ZNF423: variants seen among roughly 807,000 people sequenced by gnomAD.
ZNF423 encodes the protein Ebf-associated zinc finger protein.
ZNF423 carries 12 observed loss-of-function variants against 95.8 expected under a neutral mutation model. The observed-to-expected ratio is 0.13, with a 90% confidence interval of 0.08 to 0.20. The LOEUF (loss-of-function observed/expected upper bound fraction) is 0.20, where lower values mean the gene tolerates loss of function less well. Among genes scored for constraint, ZNF423 ranks in the 10% least tolerant of loss-of-function variants. The pLI is 1.00. For synonymous variants in ZNF423, 749 were observed against 711.9 expected, an observed-to-expected ratio of 1.05 and a Z score of -0.83; for missense variants, 1,316 against 1,737.1, an observed-to-expected ratio of 0.76 and a Z score of 4.31.
At chr16:49,615,937 C>T (rs1460834366) in intron 5 of ZNF423, among the ~76,000 whole-genome samples, 2 of 152,174 alleles carry the variant, frequency 1.3e-5, no homozygotes, top group Non-Finnish European at 2.9e-5. Flanking sequence ...TCCAGGGAGG[C>T]CGCTGCATAC....
chr16:49,585,367 C>G (rs1444613576), intron 5 of ZNF423, among the ~76,000 whole-genome samples: 1 of 152,210 alleles, frequency 6.6e-6, no homozygotes, highest in Non-Finnish European at 1.5e-5. Flanking sequence ...CCAAGGTCCC[C>G]TCAAGTCCCA....
At chr16:49,839,640 G>C (rs1226058116) in intron 1 of ZNF423, among the ~76,000 whole-genome samples, 1 of 152,184 alleles carries the variant, frequency 6.6e-6, no homozygotes, top group Admixed American at 6.5e-5. Context: ...CCCAGAAACA[G>C]CCCCAAGGAA....
intron 1 of ZNF423, among the ~76,000 whole-genome samples, chr16:49,817,337 T>G (rs931464398): frequency 8.5e-5 from 13 of 152,202 alleles, no homozygotes; most frequent in Admixed American, 7.9e-4. Flanking sequence ...AAAATTACTA[T>G]GAAGTCTTTC....
At chr16:49,521,698 G>T (rs1297464830) in intron 7 of ZNF423, among the ~76,000 whole-genome samples, 1 of 152,200 alleles carries the variant, frequency 6.6e-6, no homozygotes, top group African/African-American at 2.4e-5. Context: ...AAGGCCTCAT[G>T]TACAATACAC....
chr16:49,853,312 C>A (rs1376978616), intron 1 of ZNF423, among the ~76,000 whole-genome samples: 1 of 150,508 alleles, frequency 6.6e-6, no homozygotes, highest in African/African-American at 2.5e-5. Flanking sequence ...GGGGGGGGAG[C>A]AGTTCTTGAA....
At chr16:49,804,585 C>T (rs1468688067) in intron 1 of ZNF423, among the ~76,000 whole-genome samples, 2 of 152,128 alleles carry the variant, frequency 1.3e-5, no homozygotes, top group Non-Finnish European at 2.9e-5. Flanking sequence ...GCTACAAGGC[C>T]ACCTCCTCTC....
intron 5 of ZNF423, among the ~76,000 whole-genome samples, chr16:49,539,088 C>T (rs1223126576): frequency 1.3e-5 from 2 of 151,774 alleles, no homozygotes; most frequent in South Asian, 4.1e-4. Context: ...CCCTATAGAC[C>T]ATGCCCTTCA....
intron 2 of ZNF423, among the ~76,000 whole-genome samples, chr16:49,780,284 C>G (rs1402325761): frequency 6.6e-6 from 1 of 152,196 alleles, no homozygotes; most frequent in East Asian, 1.9e-4. Flanking sequence ...ATGGGGGCCC[C>G]AAGGCTGGTG....
intron 5 of ZNF423, among the ~76,000 whole-genome samples, chr16:49,570,268 C>T (rs1279342036): frequency 1.3e-5 from 2 of 152,284 alleles, no homozygotes; most frequent in East Asian, 3.9e-4. Context: ...GGAACTGTAA[C>T]AGGCAGGCTC....
At chr16:49,505,123 A>G (rs1967579016) in intron 7 of ZNF423, among the ~76,000 whole-genome samples, 1 of 152,188 alleles carries the variant, frequency 6.6e-6, no homozygotes, top group Non-Finnish European at 1.5e-5. Flanking sequence ...TTAAATATTT[A>G]TTCATCAAAA....
chr16:49,568,247 G>C (rs1182863080), intron 5 of ZNF423, among the ~76,000 whole-genome samples: 1 of 152,184 alleles, frequency 6.6e-6, no homozygotes, highest in Admixed American at 6.5e-5. Context: ...TCCTGTCATG[G>C]AACACCATGG....
chr16:49,539,245 C>T (rs1213746356), intron 5 of ZNF423, among the ~76,000 whole-genome samples: 1 of 152,178 alleles, frequency 6.6e-6, no homozygotes, highest in Non-Finnish European at 1.5e-5. Context: ...AGACATGTGG[C>T]TCTGGGTCCA....
chr16:49,785,417 T>C (rs1036001076), intron 2 of ZNF423, among the ~76,000 whole-genome samples: 2 of 152,224 alleles, frequency 1.3e-5, no homozygotes, highest in African/African-American at 4.8e-5. Context: ...ATGTTCTAAG[T>C]TGACTGTAGT....
chr16:49,499,484 AG>A (rs1319687784), intron 7 of ZNF423, among the ~76,000 whole-genome samples: 6 of 152,254 alleles, frequency 3.9e-5, no homozygotes, highest in Non-Finnish European at 7.3e-5. Flanking sequence ...AACCAGTAGC[AG>A]AAGCAGATGC....
In ZNF423 at chr16:49,707,366, C is replaced by G. The variant is rs769720201; in HGVS notation, c.301+23405G>C. Among the ~76,000 whole-genome samples, 11 of 152,148 alleles carry G rather than the reference C, an allele frequency of 7.2e-5. 1 individual carries two copies. The highest frequency in any genetic ancestry group is 1.6e-4 in the Non-Finnish European group (11 of 68,032). On this transcript the variant is annotated intron_variant, in intron 3 of 7. Transcript: ENST00000563137. ...TGGTGGCTCACGCCTGTAATCCTAG[C>G]ACTTTGGGAGGCCAAGGCGGGTGGA...
intron 3 of ZNF423, among the ~76,000 whole-genome samples, chr16:49,713,060 G>A (rs934555146): frequency 1.3e-5 from 2 of 152,178 alleles, no homozygotes; most frequent in Admixed American, 6.5e-5. Context: ...CTTGCCAGGC[G>A]CTGGGCCTCC....
intron 5 of ZNF423, among the ~76,000 whole-genome samples, chr16:49,594,169 T>C (rs1971109578): frequency 6.6e-6 from 1 of 152,156 alleles, no homozygotes; most frequent in South Asian, 2.1e-4. Flanking sequence ...GCAGTAAATG[T>C]TCCCTTCCAG....
intron 5 of ZNF423, among the ~76,000 whole-genome samples, chr16:49,589,047 T>A (rs1047991551): frequency 3.9e-5 from 6 of 152,132 alleles, no homozygotes; most frequent in Non-Finnish European, 7.4e-5. Flanking sequence ...CCAGCAGCCC[T>A]CCTCTGTCAA....
At chr16:49,798,993 A>T (rs1449938391) in intron 1 of ZNF423, among the ~76,000 whole-genome samples, 3 of 152,222 alleles carry the variant, frequency 2.0e-5, no homozygotes, top group Non-Finnish European at 4.4e-5. Flanking sequence ...TGCAGAAGTC[A>T]CGCAGCAGAG....
Sources: gnomAD v4.1 joint callset for allele counts (sites outside exome capture counted in the v4.1 genomes callset) on GRCh38, gnomAD v4.1.1 for gene constraint, MANE v1.5 for transcripts, NCBI Gene and HGNC (gene_info 2026-07-23, HGNC 2026-07-21) for gene names.